The following NAV3 variants were observed in gnomAD, a reference collection of about 807,000 sequenced individuals.
NAV3 encodes neuron navigator 3, also known as pore membrane and/or filament interacting like protein 1.
NAV3 carries 87 observed loss-of-function variants against 244.7 expected under a neutral mutation model. That is an observed-to-expected ratio of 0.36 (90% CI 0.30 to 0.42). The LOEUF (loss-of-function observed/expected upper bound fraction) is 0.42, where lower values mean the gene tolerates loss of function less well. Among genes scored for constraint, NAV3 ranks in the 20% least tolerant of loss-of-function variants. NAV3 has a pLI of 1.00. For missense variants in NAV3, 2,663 were observed against 2,893.3 expected, an observed-to-expected ratio of 0.92 and a Z score of 1.83; for synonymous variants, 1,126 against 1,042.2, an observed-to-expected ratio of 1.08 and a Z score of -1.55.
At chr12:77,638,299 G>A (rs1391787656) in intron 2 of NAV3, among the ~76,000 whole-genome samples, 1 of 152,158 alleles carries the variant, frequency 6.6e-6, no homozygotes, top group Non-Finnish European at 1.5e-5. Context: ...AAAATATTGG[G>A]ATTTCTCTTC....
rs772871173 is a variant in NAV3 at position 78,007,127 on chromosome 12, C to G, written c.1589C>G (p.Pro530Arg). 6.2e-7 allele frequency: 1 copy of G among 1,614,106 alleles called. No homozygotes were observed. Reference protein sequence around the residue: ...LIPSSSGIPKPGSKVPTVKQT... With the variant: ...LIPSSSGIPKRGSKVPTVKQT... ...CCGTCTTCCAGTGGTATTCCAAAACCAGGCTCTAAAGTTCCAACAGTAAAG... is the reference window on the plus strand; with the variant it reads ...CCGTCTTCCAGTGGTATTCCAAAACGAGGCTCTAAAGTTCCAACAGTAAAG... The change falls in exon 8 of 40, where the codon CCA (proline) becomes CGA (arginine). Residue 530 changes from proline (P) to arginine (R), a missense_variant. By Grantham distance (103) the Pro-to-Arg change is moderately radical (BLOSUM62 -2). This residue lies in a region of NAV3 where 1,521 missense variants were observed against 1,497.0 expected (regional missense o/e 1.02). Coordinates refer to ENST00000397909, the MANE Select transcript of NAV3 (RefSeq NM_001024383.2).
intron 2 of NAV3, among the ~76,000 whole-genome samples, chr12:77,778,815 G>A (rs1000688347): frequency 1.6e-4 from 25 of 151,982 alleles, no homozygotes; most frequent in African/African-American, 6.0e-4. Context: ...TTGGTAAAAG[G>A]CAGAATATTT....
chr12:77,784,364 A>G (rs1870808432), intron 2 of NAV3, among the ~76,000 whole-genome samples: 2 of 152,208 alleles, frequency 1.3e-5, no homozygotes. Context: ...ACTCACATCA[A>G]AGTCATGTAG....
At chr12:77,597,362 G>T (rs1208562453) in intron 2 of NAV3, among the ~76,000 whole-genome samples, 2 of 152,022 alleles carry the variant, frequency 1.3e-5, no homozygotes, top group Non-Finnish European at 2.9e-5. Context: ...CTTCCAGTAA[G>T]CCATGGAGCC....
chr12:77,895,955 TAAAAAA>T (rs755975061), intron 1 of NAV3, among the ~76,000 whole-genome samples: 1,254 of 104,602 alleles, frequency 0.012, 19 homozygotes, highest in African/African-American at 0.043. Flanking sequence ...CAATTTCCAG[TAAAAAA>T]AAAAAAAAAA....
intron 2 of NAV3, among the ~76,000 whole-genome samples, chr12:77,586,058 A>G (rs576801231): frequency 6.6e-6 from 1 of 152,190 alleles, no homozygotes; most frequent in East Asian, 1.9e-4. Context: ...GGTACTCGGG[A>G]GGCTGAGGCA....
At chr12:77,691,618 C>A (rs894458150) in intron 2 of NAV3, among the ~76,000 whole-genome samples, 1 of 151,354 alleles carries the variant, frequency 6.6e-6, no homozygotes, top group African/African-American at 2.4e-5. Flanking sequence ...ACATTAATGA[C>A]AATGACCCTT....
intron 2 of NAV3, among the ~76,000 whole-genome samples, chr12:77,824,638 A>G (rs1232847929): frequency 1.3e-5 from 2 of 151,892 alleles, no homozygotes; most frequent in African/African-American, 4.8e-5. Context: ...AACACCTGTA[A>G]TCCCAGCACT....
rs751781706 is a variant in NAV3, at chr12:78,006,864, G to A, written c.1326G>A (p.Val442=). ...GCTCAACAAATAGCAGTCCCAAAGT[G>A]TCACCTAAGTTGGCCCCTCCAAAAG... is the stretch of plus-strand genomic sequence containing the variant. ...SGGSTNSSPK[V]SPKLAPPKAG... is the part of the protein sequence containing the mutation. Residue 442 remains valine (V), a synonymous_variant, in exon 8 of 40, where the codon GTG becomes GTA. Coordinates refer to ENST00000397909, the MANE Select transcript of NAV3 (RefSeq NM_001024383.2). The A allele has an allele frequency of 3.1e-6, 5 of 1,613,988 alleles. No homozygotes were observed. In the South Asian group the frequency reaches 5.5e-5, roughly 18 times the overall value.
chr12:78,156,354 A>G (rs1417593972), intron 22 of NAV3, among the ~76,000 whole-genome samples: 2 of 152,144 alleles, frequency 1.3e-5, no homozygotes, highest in African/African-American at 4.8e-5. Flanking sequence ...ATTGAAAACA[A>G]CACGACTCAA....
intron 2 of NAV3, among the ~76,000 whole-genome samples, chr12:77,665,623 T>C (rs1477923705): frequency 6.6e-6 from 1 of 152,206 alleles, no homozygotes; most frequent in Non-Finnish European, 1.5e-5. Context: ...TTTTTTGAGT[T>C]ATAAATATAA....
At chr12:77,788,963 C>A (rs4761399) in intron 2 of NAV3, among the ~76,000 whole-genome samples, 148,182 of 152,228 alleles carry the variant, frequency 0.97, 72,263 homozygotes, top group East Asian at 1. Flanking sequence ...GAAAACCAAC[C>A]GAGATGCTTT....
intron 30 of NAV3, 127 bp downstream of exon 30, chr12:78,181,172 G>A (rs112462037): frequency 3.7e-6 from 3 of 813,038 alleles, no homozygotes; most frequent in East Asian, 5.4e-5. Context: ...AATAGTCCTA[G>A]TTTGATCTTA....
chr12:77,894,653 A>G (rs1240724153), intron 1 of NAV3, among the ~76,000 whole-genome samples: 1 of 152,222 alleles, frequency 6.6e-6, no homozygotes, highest in Non-Finnish European at 1.5e-5. Context: ...GTCTATGAAG[A>G]TAAGACAAGA....
chr12:77,945,120 A>G (rs1394046223), intron 3 of NAV3, among the ~76,000 whole-genome samples: 1 of 46,020 alleles, frequency 2.2e-5, no homozygotes, highest in African/African-American at 8.9e-5. Flanking sequence ...ACACTGTTAG[A>G]GAAAAAAAAA....
chr12:78,036,913 G>A (rs1593346398), intron 9 of NAV3: 1 of 702,952 alleles, frequency 1.4e-6, no homozygotes, highest in Non-Finnish European at 2.6e-6. Context: ...GAAGTAAGGA[G>A]AAAGGGAGCT....
intron 1 of NAV3, among the ~76,000 whole-genome samples, chr12:77,919,128 A>T (rs538908107): frequency 1.3e-5 from 2 of 152,174 alleles, no homozygotes; most frequent in East Asian, 3.9e-4. Flanking sequence ...TTAGGATTGG[A>T]GTGGGTATGG....
intron 2 of NAV3, among the ~76,000 whole-genome samples, chr12:77,651,357 T>G (rs547226069): frequency 1.3e-5 from 2 of 152,302 alleles, no homozygotes; most frequent in South Asian, 4.1e-4. Context: ...GACTGATCTA[T>G]TCTTGTGTTT....
intron 1 of NAV3, among the ~76,000 whole-genome samples, chr12:77,894,863 A>G (rs1884389857): frequency 6.6e-6 from 1 of 152,194 alleles, no homozygotes; most frequent in African/African-American, 2.4e-5. Flanking sequence ...AATTTTATGT[A>G]AAAGTTTCAA....
Sources: allele counts gnomAD v4.1 joint callset (sites outside exome capture counted in the v4.1 genomes callset), GRCh38; gene constraint gnomAD v4.1.1; regional missense constraint gnomAD v4.1.1; transcripts MANE v1.5; gene names NCBI Gene and HGNC (gene_info 2026-07-23, HGNC 2026-07-21).